Variants in DDHD2 observed in about 807,000 individuals in gnomAD.
The protein encoded by DDHD2 is DDHD domain containing 2, also known as triacylglycerol hydrolase DDHD2.
In DDHD2, 62 loss-of-function variants were observed where a neutral mutation model predicts 91.2. The observed-to-expected ratio is 0.68, with a 90% CI of 0.55 to 0.84. The LOEUF (loss-of-function observed/expected upper bound fraction) is 0.84, where lower values mean the gene tolerates loss of function less well. Among genes scored for constraint, DDHD2 ranks in the 40% least tolerant of loss-of-function variants. The pLI, the probability that DDHD2 is intolerant of heterozygous loss-of-function variation, is 0.00. For synonymous variants in DDHD2, 271 were observed against 293.9 expected, an observed-to-expected ratio of 0.92 and a Z score of 0.80; for missense variants, 740 against 846.9, an observed-to-expected ratio of 0.87 and a Z score of 1.57.
At chr8:38,237,415 A>C in intron 3 of DDHD2, 123 bp from the exon 4 acceptor site, 4 of 550,746 alleles carry the variant, frequency 7.3e-6, no homozygotes, top group Non-Finnish European at 1.3e-5. Flanking sequence ...TTTAAAAATA[A>C]ATTTGATAAA....
chr8:38,265,050 C>T (rs758713091), downstream of DDHD2: 16 of 816,566 alleles, frequency 2.0e-5, no homozygotes, highest in Admixed American at 3.8e-5. Flanking sequence ...AGATGGATCC[C>T]GAGGTCAGGA....
intron 5 of DDHD2, chr8:38,239,069 G>A (rs10103315): frequency 0.22 from 34,038 of 151,972 alleles, 3,984 homozygotes; most frequent in East Asian, 0.31. Context: ...TAGTTATTTA[G>A]AAATAAAAAG....
intron 11 of DDHD2, chr8:38,250,572 T>G (rs1015650856): frequency 1.3e-5 from 2 of 152,116 alleles, no homozygotes; most frequent in Non-Finnish European, 2.9e-5. Context: ...TCCTTAAAAG[T>G]ATTATTAGCT....
downstream of DDHD2, chr8:38,271,456 C>G (rs1039375900): frequency 5.9e-5 from 9 of 151,994 alleles, no homozygotes; most frequent in African/African-American, 2.2e-4. Context: ...GTACCCCACC[C>G]CAGGTAAAAG....
chr8:38,248,189 G>A (rs1199264350), intron 10 of DDHD2, among the ~76,000 whole-genome samples: 1 of 152,072 alleles, frequency 6.6e-6, no homozygotes, highest in Non-Finnish European at 1.5e-5. Flanking sequence ...GGGATTACAG[G>A]TGCCCGCCAC....
chr8:38,259,054 G>A lies in DDHD2; in HGVS notation c.2055-986G>A, dbSNP rs537128504. ...GGAACAAAGGTGGGAGGGAGACTTC[G>A]TTACTTTCTTATATTGTTGGAATTT... On this transcript the variant is annotated intron_variant, in intron 16 of 17. Coordinates refer to ENST00000397166, the MANE Select transcript of DDHD2 (RefSeq NM_015214.3). Among the ~76,000 whole-genome samples, 14 of 152,212 alleles carry A rather than the reference G, an allele frequency of 9.2e-5. No homozygotes were observed. The South Asian group carries it at 2.7e-3, about 29-fold the overall frequency.
In DDHD2 at chr8:38,245,772, T is replaced by A. The variant is rs1166134624; in HGVS notation, c.879T>A (p.Ile293=). ...VDLQRITLPS[I]NRLRHFTNDT... ...TGCAGCGAATAACCCTGCCCAGCAT[T>A]AACCGCCTCAGGCACTTCACCAATG... Residue 293 remains isoleucine (I), a synonymous_variant, in exon 8 of 18, where the codon ATT becomes ATA. Coordinates refer to ENST00000397166, the MANE Select transcript of DDHD2 (RefSeq NM_015214.3). 6.2e-7 allele frequency: 1 copy of A among 1,614,072 alleles called. No homozygotes were observed. Among genetic ancestry groups the A allele is most frequent in the Non-Finnish European group, 8.5e-7 (1 of 1,180,054 alleles).
At chr8:38,235,873 G>A (rs75333699) in intron 3 of DDHD2, among the ~76,000 whole-genome samples, 27 of 147,680 alleles carry the variant, frequency 1.8e-4, no homozygotes, top group South Asian at 2.1e-4. Context: ...AAGTACACGC[G>A]CACACACACA....
chr8:38,252,552 G>A (rs999651547), intron 13 of DDHD2, among the ~76,000 whole-genome samples, 170 bp from the exon 14 acceptor site: 4 of 151,788 alleles, frequency 2.6e-5, no homozygotes, highest in Non-Finnish European at 4.4e-5. Flanking sequence ...CAAGGCAGGA[G>A]GATTGCTTGA....
At position 38,233,049 on chromosome 8, in the gene DDHD2, TCACCA is replaced by T; in HGVS notation, c.56_60del (p.Ser19Ter). On this transcript the variant is annotated frameshift_variant, in exon 2 of 18. Transcript: ENST00000397166. LOFTEE classifies it high-confidence loss of function. ...GTTGTCCCAGTCAGATCCATCTCCG[TCACCA>T]AACTCATGTAGTTCCTTTGAGCTAA... 1 of 1,614,206 alleles carries T rather than the reference TCACCA, an allele frequency of 6.2e-7. No individual in the cohort carries two copies.
intron 3 of DDHD2, among the ~76,000 whole-genome samples, chr8:38,237,013 G>A (rs559613083): frequency 2.6e-5 from 4 of 152,172 alleles, no homozygotes; most frequent in African/African-American, 7.2e-5. Context: ...ATTATCTAGC[G>A]TAGATGATGG....
chr8:38,263,179 T>C (rs1393384024), downstream of DDHD2: 1 of 155,350 alleles, frequency 6.4e-6, no homozygotes, highest in African/African-American at 2.4e-5. Context: ...ATTGAAAATA[T>C]AGGAACATAC....
Position 38,234,597 on chromosome 8 carries a change from C to T in DDHD2, c.411+13C>T, listed in dbSNP as rs1317116859. 1 of 1,568,526 alleles carries T rather than the reference C, an allele frequency of 6.4e-7. No homozygotes were observed. Among genetic ancestry groups the T allele is most frequent in the African/African-American group, 1.4e-5 (1 of 72,468 alleles). On this transcript the variant is annotated intron_variant, in intron 3 of 17. Coordinates refer to ENST00000397166, the MANE Select transcript of DDHD2 (RefSeq NM_015214.3). ...CCAAGTTTTAGAGGTATTCTTTTGACTCTTTTTTTACTTATTCTTTCTTTC... is the reference window on the plus strand; with the variant it reads ...CCAAGTTTTAGAGGTATTCTTTTGATTCTTTTTTTACTTATTCTTTCTTTC...
At chr8:38,237,670 C>T (rs772812291) in intron 4 of DDHD2, 43 bp downstream of exon 4, 13 of 1,122,322 alleles carry the variant, frequency 1.2e-5, no homozygotes, top group South Asian at 1.4e-5. Context: ...AAGTTAATTG[C>T]GCTATTAGGG....
intron 16 of DDHD2, 26 bp from the exon 17 acceptor site, chr8:38,260,014 C>T (rs1289771025): frequency 7.4e-6 from 11 of 1,485,808 alleles, no homozygotes; most frequent in Non-Finnish European, 1.0e-5. Flanking sequence ...AGTTCCTTTT[C>T]TCAACATAAT....
chr8:38,232,257 T>A (rs1804326832), intron 1 of DDHD2: 2 of 152,458 alleles, frequency 1.3e-5, no homozygotes, highest in African/African-American at 4.8e-5. Flanking sequence ...CTTAGAAGTG[T>A]CCTTCTGGTG....
chr8:38,253,895 C>T (rs1254756812), intron 16 of DDHD2, among the ~76,000 whole-genome samples, 177 bp downstream of exon 16: 2 of 152,002 alleles, frequency 1.3e-5, no homozygotes, highest in East Asian at 3.9e-4. Context: ...GCCTGGGAAA[C>T]ATAGCAAGAC....
At chr8:38,248,980 G>C (rs947716298) in intron 10 of DDHD2, among the ~76,000 whole-genome samples, 2 of 151,016 alleles carry the variant, frequency 1.3e-5, no homozygotes, top group African/African-American at 2.4e-5. Context: ...TGACACTTGA[G>C]ATCTTGATTG....
At chr8:38,270,608 A>G (rs562800845) in intron 1 of DDHD2, 5 of 152,246 alleles carry the variant, frequency 3.3e-5, no homozygotes, top group Non-Finnish European at 7.3e-5. Context: ...ACCTTATTCA[A>G]TACCTTATAT....
Sources: gnomAD v4.1 joint callset for allele counts (sites outside exome capture counted in the v4.1 genomes callset) on GRCh38, gnomAD v4.1.1 for gene constraint, MANE v1.5 for transcripts, NCBI Gene and HGNC (gene_info 2026-07-23, HGNC 2026-07-21) for gene names.